The following CHDH variants were observed in gnomAD, a reference collection of about 807,000 sequenced individuals.
The protein encoded by CHDH is choline dehydrogenase.
A neutral mutation model predicts 56.9 loss-of-function variants in CHDH; 43 were observed. That is an observed-to-expected ratio of 0.76 (90% confidence interval 0.59 to 0.97). The LOEUF (loss-of-function observed/expected upper bound fraction) is 0.97, where lower values mean the gene tolerates loss of function less well. Ranked by LOEUF, CHDH falls within the 50% of genes least tolerant of loss-of-function variation. The probability of loss-of-function intolerance (pLI) is 0.00; values close to 1 mark genes in which losing one functional copy is unlikely to be tolerated. For synonymous variants in CHDH, 364 were observed against 348.5 expected, an observed-to-expected ratio of 1.04 and a Z score of -0.50; for missense variants, 816 against 821.1, an observed-to-expected ratio of 0.99 and a Z score of 0.08.
At chr3:53,836,746 G>A (rs538593876) in intron 2 of CHDH, among the ~76,000 whole-genome samples, 6 of 152,316 alleles carry the variant, frequency 3.9e-5, no homozygotes, top group East Asian at 3.9e-4. Flanking sequence ...CCCAACCTGC[G>A]CAGTCTGAGA....
In CHDH at chr3:53,822,712, T is replaced by C. The variant is rs547668078; in HGVS notation, c.704-70A>G. 7 of 1,550,520 alleles carry C rather than the reference T, an allele frequency of 4.5e-6. No individual in the cohort carries two copies. The Admixed American group carries it at 7.2e-5, about 16-fold the overall frequency. ...TGGCACCTGGGCAGGAGGAAGGAGC[T>C]GGAGAAAGAAAGAGTGGATATGCCC... On this transcript the variant is annotated intron_variant, in intron 3 of 8. Coordinates refer to ENST00000315251, the MANE Select transcript of CHDH (RefSeq NM_018397.5).
In CHDH at chr3:53,817,728, T is replaced by C; in HGVS notation, c.*49A>G. 6.6e-7 allele frequency: 1 copy of C among 1,515,610 alleles called. No homozygotes were observed. Among genetic ancestry groups the C allele is most frequent in the Non-Finnish European group, 8.9e-7 (1 of 1,122,762 alleles). The allele number at this position is 1,515,610 out of a possible 1,614,324, so 93.9% of individuals were successfully genotyped here. The stretch of plus-strand genomic sequence containing the variant: ...CTGGGAGCAAGGGCTGTGCTGGCCC[T>C]CTTGGCTTATCAGGGGGCTTCCCTG... On this transcript the variant is annotated 3_prime_UTR_variant, in exon 9 of 9. Transcript: ENST00000315251.
At position 53,821,724 on chromosome 3, in the gene CHDH, T is replaced by G. The variant is rs533752759; in HGVS notation, c.908A>C (p.Gln303Pro). The change falls in exon 5 of 9, where the codon CAG becomes CCG. Residue 303 changes from glutamine (Q) to proline (P), a missense_variant. Physicochemically the swap from Gln to Pro is moderately conservative, Grantham distance 76 (BLOSUM62 -1). Coordinates refer to ENST00000315251, the MANE Select transcript of CHDH (RefSeq NM_018397.5). Reference protein sequence around the residue: ...ILSGGAINSPQLLMLSGIGNA... With the variant: ...ILSGGAINSPPLLMLSGIGNA... ...CCCGATGCCAGAGAGCATGAGCAGC[T>G]GTGGAGAGTTGATGGCACCTCCACT... 7.4e-6 allele frequency: 12 copies of G among 1,614,080 alleles called. No homozygotes were observed. In the South Asian group the frequency reaches 7.7e-5, roughly 10 times the overall value.
At position 53,822,521 on chromosome 3, in the gene CHDH, C is replaced by T. The variant is rs2095629151; in HGVS notation, c.825G>A (p.Val275=). 2 of 1,613,612 alleles carry T rather than the reference C, an allele frequency of 1.2e-6. No individual in the cohort carries two copies. The highest frequency in any genetic ancestry group is 2.2e-5 in the South Asian group (2 of 91,068). The change falls in exon 4 of 9, where the codon GTG becomes GTA. Residue 275 remains valine (V), a synonymous_variant. Transcript: ENST00000315251. Reference sequence around the variant, plus strand: ...GGCTCTGGCCATTCTTGACATACTCCACGCCCACTGCACGGGTGCCCTCAA... The same window carrying T: ...GGCTCTGGCCATTCTTGACATACTCTACGCCCACTGCACGGGTGCCCTCAA... ...VLFEGTRAVG[V]EYVKNGQSHR...
chr3:53,846,291 G>T lies in CHDH; in HGVS notation c.-339C>A, dbSNP rs1258665474. The T allele has an allele frequency of 2.9e-6, 1 of 347,596 alleles. No individual in the cohort carries two copies. Among genetic ancestry groups the T allele is most frequent in the Non-Finnish European group, 5.2e-6 (1 of 194,126 alleles). 21.5% of individuals were successfully genotyped at this position (347,596 alleles called of 1,614,324 possible). On this transcript the variant is annotated 5_prime_UTR_variant, in exon 1 of 9. Coordinates refer to ENST00000315251, the MANE Select transcript of CHDH (RefSeq NM_018397.5). The stretch of plus-strand genomic sequence containing the variant: ...GCTCCAGCGGAGGCGCGCGAAGCCC[G>T]AGGGCGGGTGCAGCTGATGCACCTG...
Position 53,819,540 on chromosome 3 carries a change from C to T in CHDH, c.1255G>A (p.Ala419Thr), listed in dbSNP as rs769757666. ...CTCTTCCACCTGCTCACCTGGTAAG[C>T]CTCCTGCTGGGTGGGGACCCGCCCG... is the stretch of plus-strand genomic sequence containing the variant. ...DHGRVPTQQEAYQVHVGPMRG... is the reference protein window; with the variant it reads ...DHGRVPTQQETYQVHVGPMRG... The change falls in exon 7 of 9, where the codon GCT becomes ACT. Residue 419 changes from alanine (A) to threonine (T), a missense_variant. Physicochemically the swap from Ala to Thr is moderately conservative, Grantham distance 58 (BLOSUM62 0). Transcript: ENST00000315251. This position sits in a 1 kb window ranked among gnomAD's most constrained non-coding sequence, Gnocchi z 5.4. 2 of 1,609,292 alleles carry T rather than the reference C, an allele frequency of 1.2e-6. No homozygotes were observed. The highest frequency in any genetic ancestry group is 1.7e-6 in the Non-Finnish European group (2 of 1,177,600).
rs906617908 is a variant in CHDH at position 53,813,535 on chromosome 3, C to G, written c.*4242G>C. ...CAACATTATCCTGGACTCTGTGTCTCTCTCTGTTGGGTCTTGTGGCATCAC... is the reference window on the plus strand; with the variant it reads ...CAACATTATCCTGGACTCTGTGTCTGTCTCTGTTGGGTCTTGTGGCATCAC... On this transcript the variant is annotated 3_prime_UTR_variant, in exon 9 of 9. Transcript: ENST00000315251. 1.3e-5 allele frequency: 2 copies of G among 152,266 alleles called. No individual in the cohort carries two copies. Among genetic ancestry groups the G allele is most frequent in the African/African-American group, 4.8e-5 (2 of 41,466 alleles). The allele number at this position is 152,266 out of a possible 1,614,324, so 9.4% of individuals were successfully genotyped here. A position where few individuals can be genotyped will look rare whatever the true frequency, so the allele number is the denominator to read the frequency against.
chr3:53,827,380 A>G (rs1576790571), intron 2 of CHDH, among the ~76,000 whole-genome samples: 1 of 152,190 alleles, frequency 6.6e-6, no homozygotes, highest in African/African-American at 2.4e-5. Context: ...TGTTTCCTGT[A>G]AAGCCTGTGG....
In CHDH at chr3:53,819,179, T is replaced by C. The variant is rs115687288; in HGVS notation, c.1264-139A>G. On this transcript the variant is annotated intron_variant, in intron 7 of 8. Coordinates refer to ENST00000315251, the MANE Select transcript of CHDH (RefSeq NM_018397.5). The surrounding 1 kb of genome is among the most constrained non-coding windows in gnomAD (Gnocchi z 5.4). ...AGATGCATGTTAGCATTTGCCCGCA[T>C]GGTACCCACCTCCACGAGTGATTAC... 2,665 of 645,216 alleles carry C rather than the reference T, an allele frequency of 4.1e-3. 16 individuals carry two copies. The highest frequency in any genetic ancestry group is 8.9e-3 in the Middle Eastern group (24 of 2,708). 40.0% of individuals were successfully genotyped at this position (645,216 alleles called of 1,614,324 possible).
rs1027904589 is a variant in CHDH, at chr3:53,814,229, A to G, written c.*3548T>C. On this transcript the variant is annotated 3_prime_UTR_variant, in exon 9 of 9. Transcript: ENST00000315251. ...CTCAGCATCGTAAGTGTCTTTGCCA[A>G]TTGCATTTCCTAGAAAAGTTGTACT... 1.3e-5 allele frequency: 2 copies of G among 152,116 alleles called. No individual in the cohort carries two copies. Among genetic ancestry groups the G allele is most frequent in the African/African-American group, 2.4e-5 (1 of 41,426 alleles). 9.4% of individuals were successfully genotyped at this position (152,116 alleles called of 1,614,324 possible).
chr3:53,821,382 G>A (rs895690198), intron 5 of CHDH, among the ~76,000 whole-genome samples: 1 of 152,180 alleles, frequency 6.6e-6, no homozygotes, highest in African/African-American at 2.4e-5. Flanking sequence ...GGGCTTCAGG[G>A]CAGATACTCC....
In CHDH at chr3:53,823,649, C is replaced by T. The variant is rs17053532; in HGVS notation, c.360G>A (p.Leu120=). ...CCCAGACGCGGCCGCGTGGCCAGTA[C>T]AGCACGCGGCCGTCCAGGCCCCGCT... ...EVQRGLDGRV[L]YWPRGRVWGG... The change falls in exon 3 of 9, where the codon CTG becomes CTA. Residue 120 remains leucine (L), a synonymous_variant. Transcript: ENST00000315251. The T allele has an allele frequency of 0.14, 220,730 of 1,544,870 alleles. 17,557 individuals carry two copies. Among genetic ancestry groups the T allele is most frequent in the Middle Eastern group, 0.18 (814 of 4,486 alleles).
At chr3:53,840,791 A>G (rs1023979134) in intron 2 of CHDH, 138 bp downstream of exon 2, 8 of 152,226 alleles carry the variant, frequency 5.3e-5, no homozygotes, top group African/African-American at 1.9e-4. Flanking sequence ...TCTCTGTGGC[A>G]CAGGGCCTGG....
chr3:53,843,078 G>A (rs1018860074), intron 1 of CHDH, among the ~76,000 whole-genome samples: 2 of 152,094 alleles, frequency 1.3e-5, no homozygotes, highest in African/African-American at 4.8e-5. Context: ...CAACCCTGAT[G>A]GCCTTGTTCT....
chr3:53,823,798 C>A lies in CHDH; in HGVS notation c.211G>T (p.Glu71Ter). 1 of 1,581,438 alleles carries A rather than the reference C, an allele frequency of 6.3e-7. No homozygotes were observed. The highest frequency in any genetic ancestry group is 2.3e-5 in the East Asian group (1 of 43,032). The change falls in exon 3 of 9, where the codon GAG (glutamate) becomes TAG (stop). Residue 71 changes from glutamate to a stop codon, truncating the protein, a stop_gained. Coordinates refer to ENST00000315251, the MANE Select transcript of CHDH (RefSeq NM_018397.5). LOFTEE classifies it high-confidence loss of function. ...GCGAGCACGTCCTTGGGCCCGGCCT[C>A]CAGCAGCAGCACGCGCTCGGCGGGG... ...EDPAERVLLL[E>*]AGPKDVLAGS... is the part of the protein sequence containing the mutation.
At chr3:53,829,261 G>A (rs1346285791) in intron 2 of CHDH, among the ~76,000 whole-genome samples, 1 of 152,160 alleles carries the variant, frequency 6.6e-6, no homozygotes, top group African/African-American at 2.4e-5. Flanking sequence ...TAAACAGGCA[G>A]GCCACAAAGG....
chr3:53,828,717 G>A (rs763880176), intron 2 of CHDH, among the ~76,000 whole-genome samples: 7 of 152,166 alleles, frequency 4.6e-5, no homozygotes, highest in Non-Finnish European at 7.3e-5. Context: ...ACACATATTA[G>A]AATGGCCAAA....
In CHDH at chr3:53,819,489, G is replaced by A; in HGVS notation, c.1263+43C>T. 1 of 1,568,468 alleles carries A rather than the reference G, an allele frequency of 6.4e-7. No individual in the cohort carries two copies. The highest frequency in any genetic ancestry group is 8.6e-7 in the Non-Finnish European group (1 of 1,157,410). ...ATGGGAGCATCTTCCTTCCTGGTGGGAAGGAGACATCCTGGGAAGCCGAGG... is the reference window on the plus strand; with the variant it reads ...ATGGGAGCATCTTCCTTCCTGGTGGAAAGGAGACATCCTGGGAAGCCGAGG... On this transcript the variant is annotated intron_variant, in intron 7 of 8. Transcript: ENST00000315251. The surrounding 1 kb of genome is among the most constrained non-coding windows in gnomAD (Gnocchi z 5.4).
chr3:53,819,725 T>C lies in CHDH; in HGVS notation c.1121-51A>G, dbSNP rs1576777178. The stretch of plus-strand genomic sequence containing the variant: ...GAAGAGCCAGTCAGGCCGTGGCAGG[T>C]GGGCCGGCTGCTCCTGGTTTCCCTC... On this transcript the variant is annotated intron_variant, in intron 6 of 8. Coordinates refer to ENST00000315251, the MANE Select transcript of CHDH (RefSeq NM_018397.5). This position sits in a 1 kb window ranked among gnomAD's most constrained non-coding sequence, Gnocchi z 5.4. 4 of 1,493,680 alleles carry C rather than the reference T, an allele frequency of 2.7e-6. No homozygotes were observed. The highest frequency in any genetic ancestry group is 2.7e-6 in the Non-Finnish European group (3 of 1,119,404). The allele number at this position is 1,493,680 out of a possible 1,614,324, so 92.5% of individuals were successfully genotyped here.
Sources: allele counts gnomAD v4.1 joint callset (sites outside exome capture counted in the v4.1 genomes callset), GRCh38; gene constraint gnomAD v4.1.1; non-coding constraint Gnocchi (gnomAD v3.1); transcripts MANE v1.5; gene names NCBI Gene and HGNC (gene_info 2026-07-23, HGNC 2026-07-21).